The following SLC6A19 variants were observed in gnomAD, a reference collection of about 807,000 sequenced individuals.
SLC6A19 encodes the protein solute carrier family 6 member 19, also known as sodium-dependent neutral amino acid transporter B(0)AT1.
Under a neutral mutation model 68.3 loss-of-function variants are expected in SLC6A19, and 67 were observed. That is an observed-to-expected ratio of 0.98 (90% CI 0.81 to 1.20). SLC6A19 has a LOEUF of 1.20. Among genes scored for constraint, SLC6A19 ranks in the 50% most tolerant of loss-of-function variants. The pLI, the probability that SLC6A19 is intolerant of heterozygous loss-of-function variation, is 0.00. For missense variants in SLC6A19, 813 were observed against 851.6 expected, an observed-to-expected ratio of 0.95 and a Z score of 0.56; for synonymous variants, 392 against 374.9, an observed-to-expected ratio of 1.05 and a Z score of -0.53.
intron 9 of SLC6A19, 37 bp downstream of exon 9, chr5:1,219,144 G>T (rs752219684): frequency 6.4e-7 from 1 of 1,572,680 alleles, no homozygotes; most frequent in South Asian, 1.1e-5. Context: ...CATGGCAATG[G>T]TGCCACCTGT....
At chr5:1,217,196 G>A (rs540569186) in intron 8 of SLC6A19, among the ~76,000 whole-genome samples, 4 of 152,348 alleles carry the variant, frequency 2.6e-5, no homozygotes, top group Admixed American at 6.5e-5. Flanking sequence ...GGCAGGAGCC[G>A]GGGAACACCA....
At position 1,219,547 on chromosome 5, in the gene SLC6A19, C is replaced by T. The variant is rs202126249; in HGVS notation, c.1421C>T (p.Thr474Met). ...ACATTCCTCATTGGCTTCATCTTCACGCTGAACTCCGGCCAGTACTGGCTC... is the reference window on the plus strand; with the variant it reads ...ACATTCCTCATTGGCTTCATCTTCATGCTGAACTCCGGCCAGTACTGGCTC... ...LGTFLIGFIF[T>M]LNSGQYWLSL... The change falls in exon 10 of 12, where the codon ACG becomes ATG. Residue 474 changes from threonine (T) to methionine (M), a missense_variant. Transcript: ENST00000304460. 2.9e-5 allele frequency: 46 copies of T among 1,612,424 alleles called. No homozygotes were observed. The East Asian group carries it at 4.7e-4, about 16-fold the overall frequency.
chr5:1,213,715 G>A, intron 5 of SLC6A19, 142 bp downstream of exon 5: 1 of 1,044,412 alleles, frequency 9.6e-7, no homozygotes, highest in South Asian at 1.4e-5. Flanking sequence ...GAGGTCCACG[G>A]GGCCAGCGAG....
rs1746488832 is a variant in SLC6A19, at chr5:1,224,484, G to A, written c.*2580G>A. Reference sequence around the variant, plus strand: ...CAGGTCCAGCTCCTGCCTCCTCCTGGGGGGTCTGGCTTTGGGGGCTTGCTC... The same window carrying A: ...CAGGTCCAGCTCCTGCCTCCTCCTGAGGGGTCTGGCTTTGGGGGCTTGCTC... On this transcript the variant is annotated 3_prime_UTR_variant, in exon 12 of 12. Coordinates refer to ENST00000304460, the MANE Select transcript of SLC6A19 (RefSeq NM_001003841.3). 6.6e-6 allele frequency: 1 copy of A among 152,350 alleles called. No homozygotes were observed. The highest frequency in any genetic ancestry group is 2.1e-4 in the South Asian group (1 of 4,830). The allele number at this position is 152,350 out of a possible 1,614,324, so 9.4% of individuals were successfully genotyped here. A position where few individuals can be genotyped will look rare whatever the true frequency, so the allele number is the denominator to read the frequency against.
Position 1,213,601 on chromosome 5 carries a change from A to G in SLC6A19, c.774+28A>G, listed in dbSNP as rs771504724. The G allele has an allele frequency of 4.4e-6, 7 of 1,588,330 alleles. No individual in the cohort carries two copies. The African/African-American group carries it at 9.4e-5, about 21-fold the overall frequency. ...AAGTCCCCGAGGCTGCCCTGGGCCC[A>G]GACCCCGGGAGAGGCCTGGCTGCCC... On this transcript the variant is annotated intron_variant, in intron 5 of 11. Transcript: ENST00000304460.
In SLC6A19 at chr5:1,221,053, G is replaced by A. The variant is rs139906681; in HGVS notation, c.1539-98G>A. The A allele has an allele frequency of 1.1e-3, 1,643 of 1,495,506 alleles. 38 individuals carry two copies. The East Asian group carries it at 0.028, about 25-fold the overall frequency. 92.6% of individuals were successfully genotyped at this position (1,495,506 alleles called of 1,614,324 possible). On this transcript the variant is annotated intron_variant, in intron 10 of 11. Coordinates refer to ENST00000304460, the MANE Select transcript of SLC6A19 (RefSeq NM_001003841.3). ...CTGGCAAGGGGAGGCCGGGCACCTC[G>A]CAGCACACCATCTGTTCGGGTAGCA...
At position 1,211,833 on chromosome 5, in the gene SLC6A19, T is replaced by A. The variant is rs560090260; in HGVS notation, c.482-470T>A. Among the ~76,000 whole-genome samples, 78 of 148,406 alleles carry A rather than the reference T, an allele frequency of 5.3e-4. 1 individual carries two copies. Among genetic ancestry groups the A allele is most frequent in the African/African-American group, 1.9e-3 (75 of 39,696 alleles). On this transcript the variant is annotated intron_variant, in intron 3 of 11. Coordinates refer to ENST00000304460, the MANE Select transcript of SLC6A19 (RefSeq NM_001003841.3). ...TGTGTGTACTGTGTGTGTGTGCATG[T>A]GCATGTGTGGGGTGTGCAGGTGCAT...
chr5:1,209,010 C>G lies in SLC6A19; in HGVS notation c.343+124C>G. ...CCTGCTCTGCCTTCCCTGTCTGTTT[C>G]TGGTGCAACAAAGGTCCCAGCTTCA... On this transcript the variant is annotated intron_variant, in intron 2 of 11. Transcript: ENST00000304460. The surrounding 1 kb of genome is among the most constrained non-coding windows in gnomAD (Gnocchi z 5.5). The G allele has an allele frequency of 7.6e-7, 1 of 1,315,964 alleles. No individual in the cohort carries two copies. Among genetic ancestry groups the G allele is most frequent in the Non-Finnish European group, 1.0e-6 (1 of 981,662 alleles). The allele number at this position is 1,315,964 out of a possible 1,614,324, so 81.5% of individuals were successfully genotyped here.
intron 1 of SLC6A19, among the ~76,000 whole-genome samples, chr5:1,206,709 G>A (rs963530671): frequency 1.3e-5 from 2 of 152,068 alleles, no homozygotes; most frequent in South Asian, 2.1e-4. Context: ...CGGGTCACGC[G>A]TCCCTCCTGA....
chr5:1,201,674 C>T lies in SLC6A19; in HGVS notation c.24C>T (p.Asn8=), dbSNP rs557180261. 3 of 1,608,520 alleles carry T rather than the reference C, an allele frequency of 1.9e-6. No individual in the cohort carries two copies. The highest frequency in any genetic ancestry group is 1.1e-5 in the South Asian group (1 of 90,890). The change falls in exon 1 of 12, where the codon AAC becomes AAT. Residue 8 remains asparagine (N), a synonymous_variant. Transcript: ENST00000304460. MVRLVLP[N]PGLDARIPSL... ...CCATGGTGAGGCTCGTGCTGCCCAA[C>T]CCCGGCCTAGACGCCCGGATCCCGT...
intron 8 of SLC6A19, among the ~76,000 whole-genome samples, 180 bp from the exon 9 acceptor site, chr5:1,218,723 T>C (rs1469644767): frequency 6.6e-6 from 1 of 152,200 alleles, no homozygotes; most frequent in Non-Finnish European, 1.5e-5. Flanking sequence ...CTGGTCCTGA[T>C]GCATAGTTCG....
At position 1,202,271 on chromosome 5, in the gene SLC6A19, G is replaced by A. The variant is rs544185145; in HGVS notation, c.202+419G>A. Among the ~76,000 whole-genome samples the A allele has an allele frequency of 2.0e-5, 3 of 152,352 alleles. No homozygotes were observed. In the East Asian group the frequency reaches 5.8e-4, roughly 29 times the overall value. ...ACCTGCCAGTGCAGGGAGCAGAGGA[G>A]GTAGCTGGGTTGGGGGCAGGTGACC... On this transcript the variant is annotated intron_variant, in intron 1 of 11. Coordinates refer to ENST00000304460, the MANE Select transcript of SLC6A19 (RefSeq NM_001003841.3).
Position 1,212,946 on chromosome 5 carries a change from G to A in SLC6A19, c.663+462G>A, listed in dbSNP as rs915406314. Among the ~76,000 whole-genome samples, 2 of 150,450 alleles carry A rather than the reference G, an allele frequency of 1.3e-5. No homozygotes were observed. The highest frequency in any genetic ancestry group is 4.9e-5 in the African/African-American group (2 of 40,696). On this transcript the variant is annotated intron_variant, in intron 4 of 11. Coordinates refer to ENST00000304460, the MANE Select transcript of SLC6A19 (RefSeq NM_001003841.3). The surrounding 1 kb of genome is among the most constrained non-coding windows in gnomAD (Gnocchi z 5.1). The stretch of plus-strand genomic sequence containing the variant: ...TGAGGCCCTGTCCCCGTTCCCACTC[G>A]TCCCACATGCCCCCCACCACAAGCA...
Position 1,212,553 on chromosome 5 carries a change from G to C in SLC6A19, c.663+69G>C. The C allele has an allele frequency of 6.3e-7, 1 of 1,584,424 alleles. No individual in the cohort carries two copies. The highest frequency in any genetic ancestry group is 1.7e-5 in the Admixed American group (1 of 59,710). ...GGTGCGGGCAGCCCTGCCTCCGGCC[G>C]GCTGCACTCTAAAACCCAGGTCTGG... On this transcript the variant is annotated intron_variant, in intron 4 of 11. Transcript: ENST00000304460. This position sits in a 1 kb window ranked among gnomAD's most constrained non-coding sequence, Gnocchi z 5.1.
In SLC6A19 at chr5:1,212,253, C is replaced by T. The variant is rs1171611709; in HGVS notation, c.482-50C>T. On this transcript the variant is annotated intron_variant, in intron 3 of 11. Transcript: ENST00000304460. The surrounding 1 kb of genome is among the most constrained non-coding windows in gnomAD (Gnocchi z 5.1). ...TTCCAGCTCAGGGCCTTCCATTCTCCTCCCTTGGGGGACCCGTACCCTGAG... is the reference window on the plus strand; with the variant it reads ...TTCCAGCTCAGGGCCTTCCATTCTCTTCCCTTGGGGGACCCGTACCCTGAG... 1.2e-5 allele frequency: 19 copies of T among 1,608,614 alleles called. No homozygotes were observed. In the East Asian group the frequency reaches 4.2e-4, roughly 36 times the overall value.
In SLC6A19 at chr5:1,204,832, C is replaced by T. The variant is rs1022324726; in HGVS notation, c.202+2980C>T. On this transcript the variant is annotated intron_variant, in intron 1 of 11. Coordinates refer to ENST00000304460, the MANE Select transcript of SLC6A19 (RefSeq NM_001003841.3). ...AACGCCTGGCCCCGGGGTCAGCTTT[C>T]CCCTTAGTCCATCTGCAGCTAATTC... 3.3e-5 allele frequency among the ~76,000 whole-genome samples: 5 copies of T among 152,240 alleles called. 1 individual carries two copies. The highest frequency in any genetic ancestry group is 6.3e-3 in the Middle Eastern group (2 of 316).
At chr5:1,205,960 A>C (rs1470883007) in intron 1 of SLC6A19, among the ~76,000 whole-genome samples, 1 of 151,814 alleles carries the variant, frequency 6.6e-6, no homozygotes, top group Admixed American at 6.6e-5. Flanking sequence ...CCGCCAGCCC[A>C]CCCTACACAC....
chr5:1,202,687 CA>C (rs1745743484), intron 1 of SLC6A19, among the ~76,000 whole-genome samples: 1 of 115,424 alleles, frequency 8.7e-6, no homozygotes, highest in African/African-American at 3.5e-5. Context: ...TGGGGCAGTT[CA>C]CGGGGGGGCC....
chr5:1,216,180 G>C (rs1746200909), intron 6 of SLC6A19, among the ~76,000 whole-genome samples: 1 of 152,224 alleles, frequency 6.6e-6, no homozygotes, highest in Non-Finnish European at 1.5e-5. Flanking sequence ...GAGGCTGGGG[G>C]AGAATGGATG....
Sources: allele counts gnomAD v4.1 joint callset (sites outside exome capture counted in the v4.1 genomes callset), GRCh38; gene constraint gnomAD v4.1.1; non-coding constraint Gnocchi (gnomAD v3.1); transcripts MANE v1.5; gene names NCBI Gene and HGNC (gene_info 2026-07-23, HGNC 2026-07-21).